The following NRXN3 variants were observed in gnomAD, a reference collection of about 807,000 sequenced individuals.
NRXN3 encodes neurexin 3, also known as neurexin III.
Under a neutral mutation model 137.6 loss-of-function variants are expected in NRXN3, and 32 were observed. The ratio of observed to expected loss-of-function variants is 0.23; its 90% CI spans 0.18 to 0.31. The LOEUF is 0.31. Among genes scored for constraint, NRXN3 ranks in the 10% least tolerant of loss-of-function variants. The probability of loss-of-function intolerance (pLI) is 1.00; values close to 1 mark genes in which losing one functional copy is unlikely to be tolerated. For missense variants in NRXN3, 1,574 were observed against 2,062.5 expected (o/e 0.76, Z 4.59); for synonymous variants, 798 against 784.5 (o/e 1.02, Z -0.29).
chr14:78,563,789 A>G (rs1437590885), intron 4 of NRXN3, among the ~76,000 whole-genome samples: 1 of 152,220 alleles, frequency 6.6e-6, no homozygotes, highest in East Asian at 1.9e-4. Flanking sequence ...GCCCTTCAGC[A>G]TTCTCAATGC....
At chr14:79,823,269 T>C (rs574775843) in intron 20 of NRXN3, among the ~76,000 whole-genome samples, 32 of 152,282 alleles carry the variant, frequency 2.1e-4, no homozygotes, top group South Asian at 4.2e-4. Context: ...TTTAGCCTAA[T>C]AAAAATTCAT....
rs76880852 is a variant in NRXN3 at position 78,611,592 on chromosome 14, A to G, written c.758-33528A>G. 8.2e-3 allele frequency among the ~76,000 whole-genome samples: 1,256 copies of G among 152,250 alleles called. 86 individuals are homozygous for G. The East Asian group carries it at 0.18, about 22-fold the overall frequency. ...CTATGAAGACAGGTAGGGCCTAGAC[A>G]CTGATGTTTATTTTGCAGATTTTTA... On this transcript the variant is annotated intron_variant, in intron 4 of 20. Coordinates refer to ENST00000335750, the MANE Select transcript of NRXN3 (RefSeq NM_001330195.2).
chr14:79,813,601 C>T (rs1299014005), intron 20 of NRXN3, among the ~76,000 whole-genome samples: 2 of 152,132 alleles, frequency 1.3e-5, no homozygotes, highest in Non-Finnish European at 2.9e-5. Context: ...TCAAATTCCT[C>T]CCCTTTCAGC....
rs527282790 is a variant in NRXN3 at position 78,397,757 on chromosome 14, C to T, written c.757+99897C>T. On this transcript the variant is annotated intron_variant, in intron 4 of 20. Coordinates refer to ENST00000335750, the MANE Select transcript of NRXN3 (RefSeq NM_001330195.2). Reference sequence around the variant, plus strand: ...TAGCTGGAATTACAGGCACATGCCACCATGCCAGGCTAATTTTTGTATTTT... The same window carrying T: ...TAGCTGGAATTACAGGCACATGCCATCATGCCAGGCTAATTTTTGTATTTT... 1.7e-4 allele frequency among the ~76,000 whole-genome samples: 26 copies of T among 151,824 alleles called. No individual in the cohort carries two copies. In the South Asian group the frequency reaches 5.2e-3, roughly 31 times the overall value.
intron 16 of NRXN3, among the ~76,000 whole-genome samples, chr14:79,569,839 G>C (rs10134188): frequency 0.088 from 13,398 of 152,020 alleles, 1,219 homozygotes; most frequent in African/African-American, 0.23. Flanking sequence ...GAACTCTTGA[G>C]CTCAAGTGAT....
chr14:79,702,914 G>GAGTT (rs1287506497), intron 19 of NRXN3, among the ~76,000 whole-genome samples: 5 of 65,890 alleles, frequency 7.6e-5, no homozygotes, highest in Admixed American at 4.0e-4. Flanking sequence ...TCTCCATCCT[G>GAGTT]AGTTATCAGC....
intron 16 of NRXN3, among the ~76,000 whole-genome samples, chr14:79,607,220 G>C (rs978678927): frequency 1.3e-5 from 2 of 152,188 alleles, no homozygotes; most frequent in African/African-American, 2.4e-5. Flanking sequence ...TTGCAGATTT[G>C]TAATTTTCTA....
At chr14:78,994,873 T>C (rs2099526803) in intron 15 of NRXN3, among the ~76,000 whole-genome samples, 1 of 152,298 alleles carries the variant, frequency 6.6e-6, no homozygotes, top group South Asian at 2.1e-4. Flanking sequence ...CTAGGACCTT[T>C]ATAAGGATAT....
chr14:79,017,176 T>C (rs1231372382), intron 15 of NRXN3, among the ~76,000 whole-genome samples: 7 of 151,916 alleles, frequency 4.6e-5, no homozygotes, highest in Non-Finnish European at 1.0e-4. Context: ...TAACTATGAA[T>C]TGAGTGGATC....
At chr14:79,530,378 A>G (rs972654626) in intron 16 of NRXN3, among the ~76,000 whole-genome samples, 2 of 152,130 alleles carry the variant, frequency 1.3e-5, no homozygotes, top group Non-Finnish European at 2.9e-5. Flanking sequence ...TTAATTATAC[A>G]TATGTCCTGG....
At chr14:79,504,408 A>G (rs2096853098) in intron 16 of NRXN3, among the ~76,000 whole-genome samples, 1 of 151,702 alleles carries the variant, frequency 6.6e-6, no homozygotes, top group South Asian at 2.1e-4. Flanking sequence ...TATCTATTCC[A>G]AATTTTCAGA....
At position 78,763,874 on chromosome 14, in the gene NRXN3, T is replaced by A. The variant is rs2098700524; in HGVS notation, c.2045-39746T>A. Among the ~76,000 whole-genome samples the A allele has an allele frequency of 2.6e-5, 4 of 152,296 alleles. No homozygotes were observed. The South Asian group carries it at 8.3e-4, about 32-fold the overall frequency. ...CAAGGGTGATTTAATCCCTTGGCAT[T>A]TCTTCCTTCACATCTGACTGTTCTG... On this transcript the variant is annotated intron_variant, in intron 8 of 20. Coordinates refer to ENST00000335750, the MANE Select transcript of NRXN3 (RefSeq NM_001330195.2).
At chr14:78,602,957 G>T (rs2097214117) in intron 4 of NRXN3, among the ~76,000 whole-genome samples, 1 of 152,140 alleles carries the variant, frequency 6.6e-6, no homozygotes, top group Admixed American at 6.5e-5. Flanking sequence ...GGAGCCTGCA[G>T]GCCTGTTCTG....
intron 16 of NRXN3, among the ~76,000 whole-genome samples, chr14:79,626,982 C>T (rs1378051886): frequency 2.0e-5 from 3 of 151,914 alleles, no homozygotes; most frequent in Admixed American, 1.3e-4. Flanking sequence ...TCAGAAATCT[C>T]GGGTGAGAAA....
chr14:79,458,147 C>T (rs1437545586), intron 15 of NRXN3, among the ~76,000 whole-genome samples: 1 of 152,076 alleles, frequency 6.6e-6, no homozygotes, highest in South Asian at 2.1e-4. Context: ...CTGAGATGCA[C>T]TTATCTATTT....
chr14:78,333,804 C>T (rs1443333003), intron 4 of NRXN3, among the ~76,000 whole-genome samples: 1 of 152,116 alleles, frequency 6.6e-6, no homozygotes, highest in Admixed American at 6.6e-5. Flanking sequence ...GGGGAGTCAA[C>T]AGAGGGTTCT....
intron 15 of NRXN3, among the ~76,000 whole-genome samples, chr14:79,034,931 A>T (rs746657671): frequency 3.3e-5 from 5 of 152,110 alleles, no homozygotes; most frequent in Non-Finnish European, 5.9e-5. Flanking sequence ...CTGGAGAACA[A>T]ATAGGAGAAT....
At chr14:78,721,129 G>A (rs1440813423) in intron 8 of NRXN3, among the ~76,000 whole-genome samples, 4 of 152,178 alleles carry the variant, frequency 2.6e-5, no homozygotes, top group African/African-American at 4.8e-5. Flanking sequence ...AAGATATGAC[G>A]CACATTTTAT....
intron 1 of NRXN3, among the ~76,000 whole-genome samples, chr14:78,173,135 C>A (rs564638131): frequency 6.6e-6 from 1 of 151,608 alleles, no homozygotes; most frequent in East Asian, 1.9e-4. Context: ...GGTGGGAGAA[C>A]GGTAGATGAG....
Sources: allele counts gnomAD v4.1 joint callset (sites outside exome capture counted in the v4.1 genomes callset), GRCh38; gene constraint gnomAD v4.1.1; transcripts MANE v1.5; gene names NCBI Gene and HGNC (gene_info 2026-07-23, HGNC 2026-07-21).